Variants in STK3 observed in about 807,000 individuals in gnomAD.
STK3 encodes serine/threonine kinase 3.
In STK3, 41 loss-of-function variants were observed where a neutral mutation model predicts 58.0. The ratio of observed to expected loss-of-function variants is 0.71; its 90% CI spans 0.55 to 0.92. STK3 has a LOEUF of 0.92. Among genes scored for constraint, STK3 ranks in the 40% least tolerant of loss-of-function variants. STK3 has a pLI of 0.00. For missense variants in STK3, 479 were observed against 602.7 expected (o/e 0.79, Z 2.15); for synonymous variants, 170 against 191.0 (o/e 0.89, Z 0.91).
chr8:98,394,577 A>C (rs1817881108), intron 3 of STK3, among the ~76,000 whole-genome samples: 1 of 152,206 alleles, frequency 6.6e-6, no homozygotes, highest in African/African-American at 2.4e-5. Context: ...TTACACATGA[A>C]TTCTTCCAAA....
At chr8:98,885,859 G>A (rs913460998) in intron 1 of STK3, among the ~76,000 whole-genome samples, 2 of 152,172 alleles carry the variant, frequency 1.3e-5, no homozygotes, top group African/African-American at 4.8e-5. Flanking sequence ...CTATATCATG[G>A]AATACAACTC....
In STK3 at chr8:98,781,361, T is replaced by C. The variant is rs571313132; in HGVS notation, c.27-6542A>G. On this transcript the variant is annotated intron_variant, in intron 1 of 10. Coordinates refer to ENST00000419617, the MANE Select transcript of STK3 (RefSeq NM_006281.4). ...TATGCAGGGAAAAGGTTCAGCAATC[T>C]ATCTAGAGGTTTCCATGAAATGCCA... 4.6e-5 allele frequency among the ~76,000 whole-genome samples: 7 copies of C among 152,290 alleles called. No individual in the cohort carries two copies. The South Asian group carries it at 1.5e-3, about 32-fold the overall frequency.
At chr8:98,383,673 C>T (rs1337626832) in intron 1 of STK3, among the ~76,000 whole-genome samples, 1 of 152,208 alleles carries the variant, frequency 6.6e-6, no homozygotes, top group African/African-American at 2.4e-5. Context: ...TCAGATATAG[C>T]CCATAAGCCA....
chr8:98,461,428 T>TA (rs1476716227), intron 10 of STK3, among the ~76,000 whole-genome samples: 1 of 152,230 alleles, frequency 6.6e-6, no homozygotes, highest in Non-Finnish European at 1.5e-5. Context: ...TGTAATTTTT[T>TA]ATCAATTCTG....
At chr8:98,853,104 A>G (rs1292267976) in intron 3 of STK3, among the ~76,000 whole-genome samples, 1 of 151,900 alleles carries the variant, frequency 6.6e-6, no homozygotes, top group Non-Finnish European at 1.5e-5. Flanking sequence ...TTATATATAT[A>G]TTAATATTAA....
At chr8:98,503,120 G>T (rs1361319889) in intron 10 of STK3, among the ~76,000 whole-genome samples, 2 of 151,992 alleles carry the variant, frequency 1.3e-5, no homozygotes, top group African/African-American at 2.4e-5. Flanking sequence ...CTTCTTCCTG[G>T]TTTTTTGGTC....
intron 7 of STK3, among the ~76,000 whole-genome samples, chr8:98,584,505 A>T (rs1814292165): frequency 6.6e-6 from 1 of 151,926 alleles, no homozygotes; most frequent in African/African-American, 2.4e-5. Flanking sequence ...TCATTTTTGG[A>T]CATGTGGGTT....
intron 3 of STK3, among the ~76,000 whole-genome samples, chr8:98,839,012 G>GTT (rs1414200918): frequency 1.3e-5 from 2 of 151,054 alleles, no homozygotes; most frequent in African/African-American, 4.9e-5. Context: ...GTGTGTGTGT[G>GTT]TGTGTGCGCT....
chr8:98,761,573 T>A (rs1308286418), intron 3 of STK3, among the ~76,000 whole-genome samples: 1 of 152,214 alleles, frequency 6.6e-6, no homozygotes, highest in Non-Finnish European at 1.5e-5. Context: ...TTACATCATT[T>A]TCATCAACAT....
chr8:98,888,741 G>A (rs1249369257), intron 1 of STK3, among the ~76,000 whole-genome samples: 1 of 152,182 alleles, frequency 6.6e-6, no homozygotes. Context: ...AAATTAACTA[G>A]AATGTCTCCA....
In STK3 at chr8:98,498,137, C is replaced by CT. The variant is rs1186016510; in HGVS notation, c.1317+28604dup. ...TGATGGATATCTGGGTTGTTTCTACCTTTTTTTTTTTAAAAGCTATTATGA... is the reference window on the plus strand; with the variant it reads ...TGATGGATATCTGGGTTGTTTCTACCTTTTTTTTTTTTAAAAGCTATTATGA... On this transcript the variant is annotated intron_variant, in intron 10 of 10. Transcript: ENST00000419617. 7.1e-4 allele frequency among the ~76,000 whole-genome samples: 105 copies of CT among 147,124 alleles called. 4 individuals are homozygous for CT. The highest frequency in any genetic ancestry group is 2.8e-3 in the East Asian group (14 of 5,052).
intron 4 of STK3, among the ~76,000 whole-genome samples, chr8:98,713,312 C>T (rs1211524003): frequency 6.6e-6 from 1 of 151,864 alleles, no homozygotes; most frequent in Non-Finnish European, 1.5e-5. Context: ...GATAGAGACA[C>T]AAAAAACCCT....
intron 1 of STK3, among the ~76,000 whole-genome samples, chr8:98,903,799 G>A (rs1418895549): frequency 6.6e-6 from 1 of 151,982 alleles, no homozygotes; most frequent in East Asian, 1.9e-4. Context: ...CCAAATCATA[G>A]TTTGTAGATT....
chr8:98,868,780 G>A (rs1837240567), intron 3 of STK3, among the ~76,000 whole-genome samples: 1 of 151,252 alleles, frequency 6.6e-6, no homozygotes, highest in Admixed American at 6.6e-5. Context: ...ACCAGCCTGG[G>A]CAGCATAGTG....
intron 6 of STK3, among the ~76,000 whole-genome samples, chr8:98,654,989 A>G (rs1821352841): frequency 1.3e-5 from 2 of 152,144 alleles, no homozygotes; most frequent in South Asian, 4.1e-4. Context: ...AAGTACTTTA[A>G]AGTTCATATG....
intron 3 of STK3, among the ~76,000 whole-genome samples, chr8:98,409,877 C>A (rs1818035802): frequency 6.6e-6 from 1 of 152,168 alleles, no homozygotes; most frequent in Non-Finnish European, 1.5e-5. Context: ...CTCTCAAATA[C>A]CCTCGTTGGT....
chr8:98,607,400 GC>G (rs1408368038), intron 6 of STK3, among the ~76,000 whole-genome samples: 1 of 152,118 alleles, frequency 6.6e-6, no homozygotes, highest in African/African-American at 2.4e-5. Context: ...TGGCTCCCTA[GC>G]ACCAATGAAG....
chr8:98,369,442 TA>T (rs1409684253), downstream of STK3, among the ~76,000 whole-genome samples: 1 of 152,150 alleles, frequency 6.6e-6, no homozygotes, highest in African/African-American at 2.4e-5. Context: ...GTATTTTTAA[TA>T]CGGGGGTTCA....
At chr8:98,893,294 CAGA>C (rs964123642) in intron 1 of STK3, among the ~76,000 whole-genome samples, 3 of 151,424 alleles carry the variant, frequency 2.0e-5, no homozygotes, top group Admixed American at 6.6e-5. Context: ...GAGGCTGAGG[CAGA>C]AGAAGTGCCT....
Sources: gnomAD v4.1 joint callset for allele counts (sites outside exome capture counted in the v4.1 genomes callset) on GRCh38, gnomAD v4.1.1 for gene constraint, MANE v1.5 for transcripts, NCBI Gene and HGNC (gene_info 2026-07-23, HGNC 2026-07-21) for gene names.